The following PDE11A variants were observed in gnomAD, a reference collection of about 807,000 sequenced individuals.
PDE11A encodes phosphodiesterase 11A, also known as dual 3',5'-cyclic-AMP and -GMP phosphodiesterase 11A.
A neutral mutation model predicts 100.5 loss-of-function variants in PDE11A; 100 were observed. That is an observed-to-expected ratio of 1.00 (90% CI 0.85 to 1.18). The LOEUF is 1.18. Ranked by LOEUF, PDE11A falls within the 50% of genes most tolerant of loss-of-function variation. The probability of loss-of-function intolerance (pLI) is 0.00; values close to 1 mark genes in which losing one functional copy is unlikely to be tolerated. For missense variants in PDE11A, 1,141 were observed against 1,152.6 expected (o/e 0.99, Z 0.15); for synonymous variants, 381 against 420.8 (o/e 0.91, Z 1.16).
chr2:177,852,042 C>A (rs1001819717), intron 5 of PDE11A, among the ~76,000 whole-genome samples: 1 of 152,092 alleles, frequency 6.6e-6, no homozygotes, highest in Non-Finnish European at 1.5e-5. Context: ...TATCAGCAGC[C>A]CCTAGAGTCC....
Position 177,631,510 on chromosome 2 carries a change from A to G in PDE11A, c.2647-1948T>C, listed in dbSNP as rs867986723. ...AAAAAAAAAAAAAAAAAAAAAAAAAAAAATATATATATATATATATATATA... is the reference window on the plus strand; with the variant it reads ...AAAAAAAAAAAAAAAAAAAAAAAAAGAAATATATATATATATATATATATA... On this transcript the variant is annotated intron_variant, in intron 19 of 19. Coordinates refer to ENST00000286063, the MANE Select transcript of PDE11A (RefSeq NM_016953.4). 1.4e-3 allele frequency among the ~76,000 whole-genome samples: 24 copies of G among 17,138 alleles called. 2 individuals are homozygous for G. Among genetic ancestry groups the G allele is most frequent in the African/African-American group, 4.1e-3 (23 of 5,614 alleles). 11.2% of individuals were successfully genotyped at this position (17,138 alleles called of 152,430 possible).
At chr2:177,766,796 A>T (rs1243320116) in intron 10 of PDE11A, among the ~76,000 whole-genome samples, 1 of 152,216 alleles carries the variant, frequency 6.6e-6, no homozygotes, top group Non-Finnish European at 1.5e-5. Flanking sequence ...GGTTAAAATG[A>T]TCTACTATAT....
chr2:178,014,228 C>T, intron 2 of PDE11A, 74 bp downstream of exon 2: 2 of 1,140,704 alleles, frequency 1.8e-6, no homozygotes, highest in Admixed American at 1.7e-5. Flanking sequence ...TCACATAATT[C>T]CTGTCTTTTA....
In PDE11A at chr2:177,844,659, G is replaced by C. The variant is rs2083551396; in HGVS notation, c.1368-4276C>G. On this transcript the variant is annotated intron_variant, in intron 5 of 19. Coordinates refer to ENST00000286063, the MANE Select transcript of PDE11A (RefSeq NM_016953.4). ...GATAAACAAGTGAACAAAGGTCTCT[G>C]GTTTTCCTAGGCAGAGGACCCTGCG... Among the ~76,000 whole-genome samples the C allele has an allele frequency of 2.0e-5, 3 of 151,406 alleles. No individual in the cohort carries two copies. The South Asian group carries it at 6.2e-4, about 31-fold the overall frequency.
At chr2:178,070,133 G>T (rs2087106859) in intron 1 of PDE11A, among the ~76,000 whole-genome samples, 1 of 152,196 alleles carries the variant, frequency 6.6e-6, no homozygotes, top group East Asian at 1.9e-4. Flanking sequence ...AGCTTTCTAG[G>T]ATTGTAGAGG....
chr2:177,800,405 A>T (rs2082773747), intron 9 of PDE11A, among the ~76,000 whole-genome samples: 1 of 152,008 alleles, frequency 6.6e-6, no homozygotes, highest in East Asian at 1.9e-4. Flanking sequence ...TCCTGGCTTC[A>T]AGCAATTCTC....
intron 6 of PDE11A, among the ~76,000 whole-genome samples, chr2:177,825,708 C>G (rs1249123058): frequency 6.6e-6 from 1 of 152,086 alleles, no homozygotes; most frequent in Non-Finnish European, 1.5e-5. Flanking sequence ...ACCAGATAAC[C>G]CCAACTCTCC....
chr2:178,036,417 G>A (rs1028483036), intron 1 of PDE11A, among the ~76,000 whole-genome samples: 3 of 152,176 alleles, frequency 2.0e-5, no homozygotes, highest in Non-Finnish European at 4.4e-5. Context: ...TGGATAGGGA[G>A]AATCAGATCA....
At chr2:178,049,727 C>T (rs180774769) in intron 1 of PDE11A, among the ~76,000 whole-genome samples, 4 of 152,264 alleles carry the variant, frequency 2.6e-5, no homozygotes, top group Non-Finnish European at 5.9e-5. Context: ...TTGGAGGGTC[C>T]CACACCCACG....
chr2:177,993,334 T>C (rs1012036475), intron 2 of PDE11A, among the ~76,000 whole-genome samples: 7 of 152,076 alleles, frequency 4.6e-5, no homozygotes, highest in Admixed American at 4.6e-4. Context: ...AATTTAATAA[T>C]AATTTAAAAT....
chr2:177,781,504 CTTT>C (rs71010818), intron 9 of PDE11A, among the ~76,000 whole-genome samples: 18 of 145,634 alleles, frequency 1.2e-4, no homozygotes, highest in Admixed American at 2.8e-4. Flanking sequence ...TTTTTCTTTT[CTTT>C]TTTTTTTTTT....
At chr2:177,743,217 T>C (rs1487813334) in intron 10 of PDE11A, among the ~76,000 whole-genome samples, 1 of 152,258 alleles carries the variant, frequency 6.6e-6, no homozygotes, top group East Asian at 1.9e-4. Context: ...TAAATAATTG[T>C]ACTTATTTTC....
At chr2:177,702,692 T>G (rs957203126) in intron 13 of PDE11A, 1 of 152,166 alleles carries the variant, frequency 6.6e-6, no homozygotes, top group African/African-American at 2.4e-5. Flanking sequence ...CTGCAATTCT[T>G]GGAAAGACTC....
chr2:177,945,744 C>T (rs1163103050), intron 2 of PDE11A, among the ~76,000 whole-genome samples: 1 of 151,670 alleles, frequency 6.6e-6, no homozygotes, highest in Non-Finnish European at 1.5e-5. Context: ...GGTCAGCCCC[C>T]CGCCCGGCCA....
chr2:177,660,301 C>T (rs1000764315), intron 19 of PDE11A, among the ~76,000 whole-genome samples: 2 of 151,796 alleles, frequency 1.3e-5, no homozygotes, highest in African/African-American at 2.4e-5. Context: ...AGCTATTCAT[C>T]GATTTGGGAC....
intron 2 of PDE11A, among the ~76,000 whole-genome samples, chr2:178,011,585 A>G (rs1279175935): frequency 6.6e-6 from 1 of 152,202 alleles, no homozygotes; most frequent in Non-Finnish European, 1.5e-5. Flanking sequence ...TGGGAGGTCC[A>G]CTTGATATGA....
chr2:177,963,028 A>T (rs899169297), intron 2 of PDE11A, among the ~76,000 whole-genome samples: 4 of 152,184 alleles, frequency 2.6e-5, no homozygotes, highest in Non-Finnish European at 5.9e-5. Flanking sequence ...TAGAGAAACT[A>T]GTTGGGGTGG....
chr2:177,800,126 CA>C (rs2082767663), intron 9 of PDE11A, among the ~76,000 whole-genome samples: 1 of 150,036 alleles, frequency 6.7e-6, no homozygotes, highest in African/African-American at 2.4e-5. Flanking sequence ...AGTCTCAGAA[CA>C]AAGGTTAAAA....
intron 2 of PDE11A, among the ~76,000 whole-genome samples, chr2:177,968,692 G>T (rs2085729808): frequency 6.6e-6 from 1 of 152,152 alleles, no homozygotes; most frequent in African/African-American, 2.4e-5. Flanking sequence ...CATTACTAGA[G>T]AAATGCAAAT....
Sources: gnomAD v4.1 joint callset for allele counts (sites outside exome capture counted in the v4.1 genomes callset) on GRCh38, gnomAD v4.1.1 for gene constraint, MANE v1.5 for transcripts, NCBI Gene and HGNC (gene_info 2026-07-23, HGNC 2026-07-21) for gene names.